The following NELL2 variants were observed in gnomAD, a reference collection of about 807,000 sequenced individuals.
NELL2 encodes the protein neural EGFL like 2.
In NELL2, 41 loss-of-function variants were observed where a neutral mutation model predicts 109.6. The ratio of observed to expected loss-of-function variants is 0.37; its 90% CI spans 0.29 to 0.49. The LOEUF (loss-of-function observed/expected upper bound fraction) is 0.49, where lower values mean the gene tolerates loss of function less well. Ranked by LOEUF, NELL2 falls within the 20% of genes least tolerant of loss-of-function variation. The pLI is 0.98. For missense variants in NELL2, 900 were observed against 1,008.3 expected, an observed-to-expected ratio of 0.89 and a Z score of 1.45; for synonymous variants, 355 against 344.7, an observed-to-expected ratio of 1.03 and a Z score of -0.33.
At chr12:44,685,963 G>A (rs149350481) in intron 12 of NELL2, among the ~76,000 whole-genome samples, 8,928 of 152,186 alleles carry the variant, frequency 0.059, 870 homozygotes, top group African/African-American at 0.2. Flanking sequence ...ATGTTGGCCT[G>A]CCTTGATAGA....
At chr12:44,640,766 A>T (rs577258327) in intron 13 of NELL2, among the ~76,000 whole-genome samples, 1 of 152,294 alleles carries the variant, frequency 6.6e-6, no homozygotes, top group African/African-American at 2.4e-5. Context: ...TCACATAAAC[A>T]ATAAGAAGAA....
intron 14 of NELL2, among the ~76,000 whole-genome samples, chr12:44,609,752 G>A (rs780510890): frequency 1.4e-4 from 22 of 152,008 alleles, no homozygotes; most frequent in Middle Eastern, 3.4e-3. Context: ...GTGTATTTTT[G>A]TAGACCAGGC....
intron 13 of NELL2, among the ~76,000 whole-genome samples, chr12:44,629,057 T>C (rs1221263591): frequency 6.6e-6 from 1 of 152,194 alleles, no homozygotes; most frequent in African/African-American, 2.4e-5. Context: ...TTATGTAAAG[T>C]GTATCTAAAT....
Position 44,776,088 on chromosome 12 carries a change from GGT to G in NELL2, c.823_824del (p.Thr275HisfsTer10). On this transcript the variant is annotated frameshift_variant, in exon 8 of 20. Transcript: ENST00000429094. LOFTEE classifies it high-confidence loss of function. The stretch of plus-strand genomic sequence containing the variant: ...ATTCTCGGTAGGTGGTTCCCTTCAT[GGT>G]GCAAGTCCTTTCACAATAGCACTGA... ...LDQCYCERTC[T>X]MKGTTYREFE... The G allele has an allele frequency of 6.2e-7, 1 of 1,613,922 alleles. No individual in the cohort carries two copies. Among genetic ancestry groups the G allele is most frequent in the Non-Finnish European group, 8.5e-7 (1 of 1,179,944 alleles).
At chr12:44,882,313 A>C (rs1266273871) in intron 1 of NELL2, among the ~76,000 whole-genome samples, 1 of 151,738 alleles carries the variant, frequency 6.6e-6, no homozygotes, top group Non-Finnish European at 1.5e-5. Context: ...GGTGGATTAA[A>C]ACAACACAGA....
chr12:44,779,969 C>T lies in NELL2; in HGVS notation c.389G>A (p.Arg130His), dbSNP rs769425547. 1.4e-5 allele frequency: 23 copies of T among 1,613,720 alleles called. No homozygotes were observed. The highest frequency in any genetic ancestry group is 1.6e-4 in the Middle Eastern group (1 of 6,080). The stretch of plus-strand genomic sequence containing the variant: ...TGTGTGAGGGCGGTGACTGCCTGAG[C>T]GGTAATGCAGTCTGACTTCATTCCG... ...GHRNEVRLHYRSGSHRPHTEV... is the reference protein window; with the variant it reads ...GHRNEVRLHYHSGSHRPHTEV... Residue 130 changes from arginine (R) to histidine (H), a missense_variant, in exon 4 of 20, where the codon CGC (arginine) becomes CAC (histidine). Physicochemically the swap from Arg to His is conservative, Grantham distance 29. Transcript: ENST00000429094.
At chr12:44,766,518 T>C (rs1364405462) in intron 9 of NELL2, among the ~76,000 whole-genome samples, 1 of 152,246 alleles carries the variant, frequency 6.6e-6, no homozygotes, top group Non-Finnish European at 1.5e-5. Flanking sequence ...CAATTTTGTA[T>C]TATCTCAATT....
At chr12:44,827,141 T>C (rs978987950) in intron 2 of NELL2, among the ~76,000 whole-genome samples, 1 of 152,102 alleles carries the variant, frequency 6.6e-6, no homozygotes, top group African/African-American at 2.4e-5. Flanking sequence ...ACCCACAATT[T>C]TGTAACTTTT....
At chr12:44,612,807 TAA>T (rs1945670948) in intron 13 of NELL2, among the ~76,000 whole-genome samples, 3 of 152,094 alleles carry the variant, frequency 2.0e-5, no homozygotes, top group Admixed American at 1.3e-4. Flanking sequence ...GATGCTGTTT[TAA>T]TCCCTGCCTT....
chr12:44,765,440 C>G (rs750047252), intron 9 of NELL2, among the ~76,000 whole-genome samples: 1 of 152,108 alleles, frequency 6.6e-6, no homozygotes, highest in Non-Finnish European at 1.5e-5. Context: ...TGATATGGCC[C>G]TATGGCTTAA....
chr12:44,862,420 G>A (rs1275483686), intron 2 of NELL2, among the ~76,000 whole-genome samples: 2 of 152,186 alleles, frequency 1.3e-5, no homozygotes, highest in Non-Finnish European at 2.9e-5. Flanking sequence ...CCATGCAGAT[G>A]TTAACATTGT....
intron 15 of NELL2, among the ~76,000 whole-genome samples, chr12:44,576,434 T>A (rs1054016493): frequency 6.6e-6 from 1 of 152,230 alleles, no homozygotes; most frequent in Non-Finnish European, 1.5e-5. Context: ...CAGGCTTGTG[T>A]TGAATAATTA....
At chr12:44,760,257 C>T (rs1592477632) in intron 9 of NELL2, among the ~76,000 whole-genome samples, 1 of 152,052 alleles carries the variant, frequency 6.6e-6, no homozygotes, top group Admixed American at 6.6e-5. Flanking sequence ...ATTAAAATAA[C>T]AAACAAAATA....
chr12:44,566,231 T>C (rs1943651862), intron 15 of NELL2, among the ~76,000 whole-genome samples: 1 of 152,134 alleles, frequency 6.6e-6, no homozygotes, highest in Admixed American at 6.6e-5. Context: ...AAAAGATATT[T>C]CCAAGATTTT....
At chr12:44,659,235 T>TA (rs1947640718) in intron 13 of NELL2, among the ~76,000 whole-genome samples, 1 of 152,168 alleles carries the variant, frequency 6.6e-6, no homozygotes, top group South Asian at 2.1e-4. Flanking sequence ...CCTAAAACCA[T>TA]AAAATCTCTA....
intron 10 of NELL2, 45 bp from the exon 11 acceptor site, chr12:44,711,439 A>G (rs766125804): frequency 3.3e-6 from 5 of 1,520,010 alleles, no homozygotes. Flanking sequence ...TATCATTAGG[A>G]CTTGTTAAGA....
Position 44,592,218 on chromosome 12 carries a change from G to A in NELL2, c.1663+14951C>T, listed in dbSNP as rs190062251. Among the ~76,000 whole-genome samples, 224 of 152,264 alleles carry A rather than the reference G, an allele frequency of 1.5e-3. 1 individual carries two copies. Among genetic ancestry groups the A allele is most frequent in the Admixed American group, 3.9e-3 (59 of 15,296 alleles). ...AAAATTATACCTGCCTCATAAAGTT[G>A]CTATTATGATTTAAATGATTTAATA... On this transcript the variant is annotated intron_variant, in intron 15 of 19. Transcript: ENST00000429094.
At chr12:44,681,596 T>C (rs952828610) in intron 12 of NELL2, among the ~76,000 whole-genome samples, 2 of 150,600 alleles carry the variant, frequency 1.3e-5, no homozygotes, top group South Asian at 2.1e-4. Flanking sequence ...GTCCCCAGAC[T>C]GTGATGTTCC....
chr12:44,542,667 T>C (rs2139034910), intron 15 of NELL2, among the ~76,000 whole-genome samples: 1 of 152,298 alleles, frequency 6.6e-6, no homozygotes, highest in South Asian at 2.1e-4. Context: ...AGAGAAAGCC[T>C]GGTGAAGAAT....
Sources: allele counts gnomAD v4.1 joint callset (sites outside exome capture counted in the v4.1 genomes callset), GRCh38; gene constraint gnomAD v4.1.1; transcripts MANE v1.5; gene names NCBI Gene and HGNC (gene_info 2026-07-23, HGNC 2026-07-21).